The following LIPA variants were observed in gnomAD, a reference collection of about 807,000 sequenced individuals.
LIPA encodes the protein lysosomal acid lipase/cholesteryl ester hydrolase.
In LIPA, 26 loss-of-function variants were observed where a neutral mutation model predicts 40.6. The ratio of observed to expected loss-of-function variants is 0.64; its 90% confidence interval spans 0.47 to 0.89. The LOEUF is 0.89. Ranked by LOEUF, LIPA falls within the 40% of genes least tolerant of loss-of-function variation. The probability of loss-of-function intolerance (pLI) is 0.00; values close to 1 mark genes in which losing one functional copy is unlikely to be tolerated. For synonymous variants in LIPA, 188 were observed against 168.4 expected (o/e 1.12, Z -0.90); for missense variants, 455 against 479.6 (o/e 0.95, Z 0.48).
intron 2 of LIPA, chr10:89,377,990 A>C (rs1258075523): frequency 1.9e-5 from 13 of 692,588 alleles, no homozygotes; most frequent in Non-Finnish European, 3.3e-5. Flanking sequence ...ACTAGGCATC[A>C]AGGGTGTAAA....
chr10:89,264,573 G>T (rs973670061), intron 1 of LIPA, among the ~76,000 whole-genome samples: 5 of 152,172 alleles, frequency 3.3e-5, no homozygotes, highest in Admixed American at 6.5e-5. Flanking sequence ...CAGGCAGGTT[G>T]TCCTGACAAG....
At chr10:89,393,435 T>A in intron 2 of LIPA, 2 of 614,318 alleles carry the variant, frequency 3.3e-6, no homozygotes, top group Non-Finnish European at 4.8e-6. Context: ...TCAGCTGATT[T>A]AAAAACCATT....
intron 1 of LIPA, among the ~76,000 whole-genome samples, chr10:89,272,691 G>A (rs2133493489): frequency 6.6e-6 from 1 of 152,296 alleles, no homozygotes; most frequent in East Asian, 1.9e-4. Context: ...CACAATGGCT[G>A]AACTAATTTA....
At position 89,225,223 on chromosome 10, in the gene LIPA, T is replaced by G; in HGVS notation, c.544A>C (p.Ile182Leu). 2 of 1,614,138 alleles carry G rather than the reference T, an allele frequency of 1.2e-6. No homozygotes were observed. The highest frequency in any genetic ancestry group is 1.7e-6 in the Non-Finnish European group (2 of 1,179,998). Reference protein sequence around the residue: ...GHSQGTTIGFIAFSQIPELAK... With the variant: ...GHSQGTTIGFLAFSQIPELAK... ...AGCTCAGGGATCTGTGAAAATGCTA[T>G]AAAACCTGTGAGAACAAAGGACAGA... The change falls in exon 6 of 10, where the codon ATA becomes CTA. Residue 182 changes from isoleucine (I) to leucine (L), a missense_variant. Physicochemically the swap from Ile to Leu is conservative, Grantham distance 5. Transcript: ENST00000336233.
chr10:89,273,880 C>T (rs1033635456), intron 1 of LIPA, among the ~76,000 whole-genome samples: 1 of 152,206 alleles, frequency 6.6e-6, no homozygotes, highest in African/African-American at 2.4e-5. Flanking sequence ...CAGTCTGCCA[C>T]CTGTTTTTGT....
At chr10:89,338,611 G>A (rs770326727) in intron 1 of LIPA, 2 of 1,523,448 alleles carry the variant, frequency 1.3e-6, no homozygotes, top group Non-Finnish European at 1.8e-6. Context: ...ATCACAGGGT[G>A]CAGTGCTTGG....
chr10:89,304,853 C>T (rs1466226954), intron 1 of LIPA, among the ~76,000 whole-genome samples: 1 of 151,286 alleles, frequency 6.6e-6, no homozygotes, highest in Non-Finnish European at 1.5e-5. Context: ...AAAATCTTTC[C>T]AGGAGAGTCA....
chr10:89,216,312 C>T (rs1186024414), intron 8 of LIPA, among the ~76,000 whole-genome samples: 1 of 151,220 alleles, frequency 6.6e-6, no homozygotes, highest in African/African-American at 2.4e-5. Context: ...TTTATGCTGA[C>T]ATTTTCTGCT....
At chr10:89,379,889 G>A (rs1844149673) in intron 2 of LIPA, among the ~76,000 whole-genome samples, 1 of 152,072 alleles carries the variant, frequency 6.6e-6, no homozygotes, top group Admixed American at 6.6e-5. Flanking sequence ...CAAAAAATTA[G>A]CCGGGAGTGG....
chr10:89,413,614 T>A (rs917449403), intron 1 of LIPA, among the ~76,000 whole-genome samples: 6 of 151,782 alleles, frequency 4.0e-5, no homozygotes, highest in African/African-American at 1.5e-4. Flanking sequence ...AAAAAATAAA[T>A]TAATTAGCCC....
chr10:89,402,505 A>C lies in LIPA; in HGVS notation c.61+10286T>G, dbSNP rs1434383366. On this transcript the variant is annotated intron_variant, in intron 2 of 8. Transcript: ENST00000371837. ...GAGGAAGCCCTGAAGAGCTTAAAAG[A>C]AGCTGAAAACTTAATGCAGGAAGAA... is the stretch of plus-strand genomic sequence containing the variant. 3 of 1,614,200 alleles carry C rather than the reference A, an allele frequency of 1.9e-6. No homozygotes were observed. Among genetic ancestry groups the C allele is most frequent in the Non-Finnish European group, 1.7e-6 (2 of 1,180,030 alleles).
chr10:89,305,343 G>C (rs370412098), intron 1 of LIPA, among the ~76,000 whole-genome samples: 24 of 152,006 alleles, frequency 1.6e-4, no homozygotes, highest in African/African-American at 5.8e-4. Flanking sequence ...AGCTCAGAAA[G>C]TTTGAATAGA....
chr10:89,343,622 G>A (rs538385998), upstream of LIPA, among the ~76,000 whole-genome samples: 2 of 152,256 alleles, frequency 1.3e-5, no homozygotes, highest in East Asian at 1.9e-4. Flanking sequence ...ACACCGAGGC[G>A]CTATACTTTG....
At chr10:89,230,425 A>G (rs1055647764) in intron 3 of LIPA, among the ~76,000 whole-genome samples, 1 of 151,442 alleles carries the variant, frequency 6.6e-6, no homozygotes, top group Non-Finnish European at 1.5e-5. Context: ...TTCCATCTCA[A>G]CCTCCTGAGT....
chr10:89,316,225 T>G (rs1247311773), intron 1 of LIPA, among the ~76,000 whole-genome samples: 1 of 152,028 alleles, frequency 6.6e-6, no homozygotes, highest in African/African-American at 2.4e-5. Context: ...GCTTGTCAGA[T>G]AGTGGGTGCA....
chr10:89,229,528 A>G (rs563761359), intron 3 of LIPA, among the ~76,000 whole-genome samples: 1 of 152,306 alleles, frequency 6.6e-6, no homozygotes, highest in South Asian at 2.1e-4. Context: ...AGGCGAGTGG[A>G]TCACTTGAGG....
At chr10:89,286,814 G>C (rs1304325455) in intron 1 of LIPA, among the ~76,000 whole-genome samples, 1 of 152,208 alleles carries the variant, frequency 6.6e-6, no homozygotes, top group Non-Finnish European at 1.5e-5. Flanking sequence ...TAATAGAGTA[G>C]AGTCAGCCAA....
At chr10:89,244,018 C>T (rs745513511) in intron 3 of LIPA, among the ~76,000 whole-genome samples, 4 of 152,148 alleles carry the variant, frequency 2.6e-5, no homozygotes, top group Admixed American at 6.5e-5. Flanking sequence ...ATCATATGCT[C>T]GCTCTAGCAT....
At chr10:89,412,542 C>G in intron 2 of LIPA, 1 of 179,398 alleles carries the variant, frequency 5.6e-6, no homozygotes, top group Non-Finnish European at 1.2e-5. Context: ...GGTCTGCTTC[C>G]ACGTCGTGGA....
Sources: allele counts gnomAD v4.1 joint callset (sites outside exome capture counted in the v4.1 genomes callset), GRCh38; gene constraint gnomAD v4.1.1; transcripts MANE v1.5; gene names NCBI Gene and HGNC (gene_info 2026-07-23, HGNC 2026-07-21).